The following EIF3K variants were observed in gnomAD, a reference collection of about 807,000 sequenced individuals.
The protein encoded by EIF3K is eukaryotic translation initiation factor 3 subunit K.
EIF3K carries 27 observed loss-of-function variants against 34.2 expected under a neutral mutation model. The ratio of observed to expected loss-of-function variants is 0.79; its 90% CI spans 0.58 to 1.09. The LOEUF is 1.09. Among genes scored for constraint, EIF3K ranks in the 50% least tolerant of loss-of-function variants. EIF3K has a pLI of 0.00. For missense variants in EIF3K, 232 were observed against 275.4 expected (o/e 0.84, Z 1.11); for synonymous variants, 105 against 105.7 (o/e 0.99, Z 0.04).
At chr19:38,626,142 G>T in intron 4 of EIF3K, 40 bp downstream of exon 4, 1 of 1,584,598 alleles carries the variant, frequency 6.3e-7, no homozygotes, top group Non-Finnish European at 8.7e-7. Context: ...AGATGGCAGG[G>T]CCATGTGGAG....
intron 2 of EIF3K, among the ~76,000 whole-genome samples, chr19:38,621,407 T>A (rs993628574): frequency 6.6e-6 from 1 of 152,058 alleles, no homozygotes; most frequent in Admixed American, 6.6e-5. Context: ...AGTGAGACCC[T>A]GTCTCAAAAA....
intron 6 of EIF3K, 114 bp from the exon 7 acceptor site, chr19:38,634,879 A>C: frequency 3.4e-6 from 5 of 1,465,900 alleles, no homozygotes. Context: ...AGGAGATGTC[A>C]GTGGGCAAGG....
intron 2 of EIF3K, among the ~76,000 whole-genome samples, chr19:38,623,870 G>A (rs981290790): frequency 1.3e-5 from 2 of 152,226 alleles, no homozygotes; most frequent in African/African-American, 4.8e-5. Context: ...CCATTGGGTA[G>A]TTGTGAGCAT....
rs765114656 is a variant in EIF3K at position 38,636,923 on chromosome 19, T to G, written c.*3T>G. ...GCATCATGGCCTCCTCCCAGTAACT[T>G]CAGGTGTTTAATAAAGATGTGTTGA... On this transcript the variant is annotated 3_prime_UTR_variant, in exon 8 of 8. Coordinates refer to ENST00000248342, the MANE Select transcript of EIF3K (RefSeq NM_013234.4). 4.3e-6 allele frequency: 7 copies of G among 1,613,964 alleles called. No homozygotes were observed. Among genetic ancestry groups the G allele is most frequent in the Non-Finnish European group, 5.9e-6 (7 of 1,179,952 alleles).
At chr19:38,627,853 A>C (rs1975980781) in intron 4 of EIF3K, among the ~76,000 whole-genome samples, 1 of 146,464 alleles carries the variant, frequency 6.8e-6, no homozygotes, top group African/African-American at 2.6e-5. Flanking sequence ...TTCCAATCAT[A>C]CCCCAGGCCA....
chr19:38,626,203 C>T (rs1483299557), intron 4 of EIF3K, 101 bp downstream of exon 4: 9 of 1,122,370 alleles, frequency 8.0e-6, no homozygotes, highest in East Asian at 4.7e-5. Flanking sequence ...CCTGCTTTGG[C>T]GGTGGGCCCA....
chr19:38,629,011 T>G (rs1001694744), intron 4 of EIF3K, among the ~76,000 whole-genome samples: 1 of 152,198 alleles, frequency 6.6e-6, no homozygotes, highest in Admixed American at 6.6e-5. Flanking sequence ...AAATTGCACC[T>G]GTTCCTATCC....
intron 6 of EIF3K, among the ~76,000 whole-genome samples, chr19:38,633,634 G>T (rs980049082): frequency 2.6e-5 from 4 of 151,494 alleles, no homozygotes; most frequent in African/African-American, 9.7e-5. Context: ...GGAGGCGGAG[G>T]TTGCAGTGAG....
intron 7 of EIF3K, chr19:38,635,888 C>T (rs1019713501): frequency 6.6e-6 from 1 of 152,256 alleles, no homozygotes; most frequent in Non-Finnish European, 1.5e-5. Context: ...GAGAAAGGCA[C>T]AGGCGGGCTG....
intron 6 of EIF3K, among the ~76,000 whole-genome samples, chr19:38,634,090 C>CTTTTT (rs757394196): frequency 2.3e-5 from 2 of 86,074 alleles, no homozygotes; most frequent in African/African-American, 5.3e-5. Context: ...TAAAAGCTAA[C>CTTTTT]TTTTTTTTTT....
intron 4 of EIF3K, among the ~76,000 whole-genome samples, chr19:38,627,967 C>T (rs1975983622): frequency 6.7e-6 from 1 of 149,998 alleles, no homozygotes; most frequent in Admixed American, 6.7e-5. Context: ...TGCAGTGGCA[C>T]AATCTCAACT....
chr19:38,634,063 C>T (rs974382210), intron 6 of EIF3K, among the ~76,000 whole-genome samples: 11 of 148,630 alleles, frequency 7.4e-5, no homozygotes, highest in Non-Finnish European at 1.6e-4. Context: ...AGGCGTGAGC[C>T]GCTGCATCCA....
intron 4 of EIF3K, chr19:38,626,420 A>G: frequency 6.5e-6 from 2 of 308,668 alleles, no homozygotes; most frequent in South Asian, 1.3e-4. Context: ...TGTGGAGGCC[A>G]AGGTGGGAGG....
rs185253922 is a variant in EIF3K at position 38,622,390 on chromosome 19, G to C, written c.159-1687G>C. Reference sequence around the variant, plus strand: ...GAGACATCACACATTGGTAGGATCCGTGATGCCTCACAAGCCACAAAAACC... The same window carrying C: ...GAGACATCACACATTGGTAGGATCCCTGATGCCTCACAAGCCACAAAAACC... On this transcript the variant is annotated intron_variant, in intron 2 of 7. Coordinates refer to ENST00000248342, the MANE Select transcript of EIF3K (RefSeq NM_013234.4). Among the ~76,000 whole-genome samples, 175 of 152,274 alleles carry C rather than the reference G, an allele frequency of 1.1e-3. 4 individuals are homozygous for C. In the South Asian group the frequency reaches 0.023, roughly 20 times the overall value.
Position 38,626,009 on chromosome 19 carries a change from T to A in EIF3K, c.280-19T>A. The A allele has an allele frequency of 6.2e-7, 1 of 1,614,014 alleles. No individual in the cohort carries two copies. The highest frequency in any genetic ancestry group is 1.1e-5 in the South Asian group (1 of 91,084). ...CTTACGCTCCGAGGCCAGTTTTCCT[T>A]AATGCTTCCTCCTCCCAGCAAGAAG... On this transcript the variant is annotated intron_variant, in intron 3 of 7. Coordinates refer to ENST00000248342, the MANE Select transcript of EIF3K (RefSeq NM_013234.4).
chr19:38,628,093 G>A (rs750202976), intron 4 of EIF3K, among the ~76,000 whole-genome samples: 5 of 151,820 alleles, frequency 3.3e-5, no homozygotes, highest in Admixed American at 6.6e-5. Context: ...TAGTAGAGAC[G>A]GGGTTTCACC....
intron 6 of EIF3K, among the ~76,000 whole-genome samples, chr19:38,633,455 T>C: frequency 6.6e-6 from 1 of 152,130 alleles, no homozygotes; most frequent in East Asian, 1.9e-4. Flanking sequence ...TCCAGCACTT[T>C]GGGAGGCCGA....
chr19:38,625,968 T>G, intron 3 of EIF3K, 60 bp from the exon 4 acceptor site: 1 of 1,495,304 alleles, frequency 6.7e-7, no homozygotes, highest in East Asian at 2.3e-5. Context: ...TGGGGAGGGG[T>G]GATCTGGGGT....
At chr19:38,635,463 T>C (rs1325077069) in intron 7 of EIF3K, 1 of 390,358 alleles carries the variant, frequency 2.6e-6, no homozygotes, top group East Asian at 3.8e-5. Flanking sequence ...CCAAGCCTCA[T>C]GTGCAGACTT....
Sources: allele counts gnomAD v4.1 joint callset (sites outside exome capture counted in the v4.1 genomes callset), GRCh38; gene constraint gnomAD v4.1.1; transcripts MANE v1.5; gene names NCBI Gene and HGNC (gene_info 2026-07-23, HGNC 2026-07-21).